SI: variants seen among roughly 807,000 people sequenced by gnomAD.
The protein encoded by SI is sucrase-isomaltase, intestinal.
In SI, 235 loss-of-function variants were observed where a neutral mutation model predicts 253.3. The observed-to-expected ratio is 0.93, with a 90% CI of 0.83 to 1.03. SI has a LOEUF of 1.03. SI is among the 50% of genes least tolerant of loss of function. SI has a pLI of 0.00. For synonymous variants in SI, 819 were observed against 712.0 expected, an observed-to-expected ratio of 1.15 and a Z score of -2.39; for missense variants, 2,442 against 2,211.1, an observed-to-expected ratio of 1.10 and a Z score of -2.09.
intron 37 of SI, 146 bp from the exon 38 acceptor site, chr3:164,998,819 T>C: frequency 1.4e-6 from 1 of 713,372 alleles, no homozygotes; most frequent in East Asian, 2.7e-5. Context: ...AAGTTTGTCT[T>C]CTCTCATTAA....
chr3:165,072,424 AC>A (rs1285054609), intron 3 of SI, among the ~76,000 whole-genome samples: 1 of 151,458 alleles, frequency 6.6e-6, no homozygotes, highest in Non-Finnish European at 1.5e-5. Flanking sequence ...AACAACAACA[AC>A]AACAAAAAAC....
At chr3:165,056,722 G>A (rs1049718468) in intron 12 of SI, among the ~76,000 whole-genome samples, 1 of 152,132 alleles carries the variant, frequency 6.6e-6, no homozygotes, top group Non-Finnish European at 1.5e-5. Flanking sequence ...TTAGAACAGC[G>A]CTAGCCATAG....
At chr3:165,027,377 C>A (rs1319724634) in intron 25 of SI, among the ~76,000 whole-genome samples, 1 of 151,128 alleles carries the variant, frequency 6.6e-6, no homozygotes, top group Non-Finnish European at 1.5e-5. Context: ...ACCAGAAATT[C>A]AAAGAATAAT....
At position 165,065,248 on chromosome 3, in the gene SI, A is replaced by T; in HGVS notation, c.807+13T>A. On this transcript the variant is annotated intron_variant, in intron 7 of 47. Coordinates refer to ENST00000264382, the MANE Select transcript of SI (RefSeq NM_001041.4). ...TAGTGATTTTATTTATAACAAGAAAAATAATTTCTTACATCACCAGGAAGT... is the reference window on the plus strand; with the variant it reads ...TAGTGATTTTATTTATAACAAGAAATATAATTTCTTACATCACCAGGAAGT... 1 of 1,550,338 alleles carries T rather than the reference A, an allele frequency of 6.5e-7. No individual in the cohort carries two copies. The highest frequency in any genetic ancestry group is 1.1e-5 in the South Asian group (1 of 89,582).
Position 165,019,782 on chromosome 3 carries a change from AG to A in SI, c.3255-13del, listed in dbSNP as rs749098538. Reference sequence around the variant, plus strand: ...GCCAAGAATCCCAACTGAAAACAAAAGAAAACAAAGCTATGTCTGTCAAAAT... The same window carrying A: ...GCCAAGAATCCCAACTGAAAACAAAAAAAACAAAGCTATGTCTGTCAAAAT... On this transcript the variant is annotated splice_polypyrimidine_tract_variant and intron_variant, in intron 27 of 47. Transcript: ENST00000264382. 3.1e-6 allele frequency: 5 copies of A among 1,611,050 alleles called. No individual in the cohort carries two copies. Among genetic ancestry groups the A allele is most frequent in the Admixed American group, 1.7e-5 (1 of 59,764 alleles).
chr3:165,032,647 T>C lies in SI; in HGVS notation c.2611A>G (p.Thr871Ala), dbSNP rs369306303. Residue 871 changes from threonine (T) to alanine (A), a missense_variant, in exon 24 of 48, where the codon ACT becomes GCT. Thr to Ala is a moderately conservative substitution (Grantham distance 58, BLOSUM62 0). Coordinates refer to ENST00000264382, the MANE Select transcript of SI (RefSeq NM_001041.4). ...VCTHSSYQEG[T>A]TLAFQTVKIL... ...TTTACAGTCTGAAATGCTAAGGTAG[T>C]TCCTTCCTGATATGATGAATGTGTG... is the stretch of plus-strand genomic sequence containing the variant. 1.1e-5 allele frequency: 18 copies of C among 1,607,844 alleles called. No individual in the cohort carries two copies. In the African/African-American group the frequency reaches 2.4e-4, roughly 22 times the overall value.
intron 13 of SI, among the ~76,000 whole-genome samples, chr3:165,052,520 G>T (rs779265273): frequency 8.5e-5 from 13 of 152,138 alleles, no homozygotes; most frequent in African/African-American, 1.2e-4. Flanking sequence ...GCTGGGCGTG[G>T]TGAAGTGCAC....
intron 19 of SI, 137 bp downstream of exon 19, chr3:165,039,750 C>T (rs1462448436): frequency 2.9e-6 from 2 of 695,888 alleles, no homozygotes; most frequent in African/African-American, 1.8e-5. Flanking sequence ...TGTGTCACAT[C>T]GTAGAATTCC....
chr3:165,006,732 T>G (rs999392593), intron 37 of SI, 84 bp downstream of exon 37: 44 of 1,183,138 alleles, frequency 3.7e-5, no homozygotes, highest in Non-Finnish European at 5.1e-5. Context: ...AAGAGAAGAT[T>G]GTCGGGACTG....
rs765834653 is a variant in SI, at chr3:165,049,182, T to C, written c.1660A>G (p.Lys554Glu). Residue 554 changes from lysine (K) to glutamate (E), a missense_variant, in exon 15 of 48, where the codon AAA (lysine) becomes GAA (glutamate). By Grantham distance (56) the Lys-to-Glu change is moderately conservative. Coordinates refer to ENST00000264382, the MANE Select transcript of SI (RefSeq NM_001041.4). Reference sequence around the variant, plus strand: ...TAGAGGCTATGAACATCATACTGTTTACCCCAGTTCTGCACAGCATCCATG... The same window carrying C: ...TAGAGGCTATGAACATCATACTGTTCACCCCAGTTCTGCACAGCATCCATG... Reference protein sequence around the residue: ...ICMDAVQNWGKQYDVHSLYGY... With the variant: ...ICMDAVQNWGEQYDVHSLYGY... 4 of 1,612,856 alleles carry C rather than the reference T, an allele frequency of 2.5e-6. No homozygotes were observed. Among genetic ancestry groups the C allele is most frequent in the Non-Finnish European group, 1.7e-6 (2 of 1,179,066 alleles).
chr3:165,086,069 C>A, the SI span, among the ~76,000 whole-genome samples: 2 of 152,028 alleles, frequency 1.3e-5, no homozygotes, highest in South Asian at 2.1e-4. Flanking sequence ...GCCTAGTCAA[C>A]ATAGTGAAAC....
At chr3:164,985,382 G>C (rs539780295) in intron 45 of SI, among the ~76,000 whole-genome samples, 1 of 152,124 alleles carries the variant, frequency 6.6e-6, no homozygotes, top group Non-Finnish European at 1.5e-5. Flanking sequence ...CAGTCATTGC[G>C]GTGATGAAGG....
intron 25 of SI, among the ~76,000 whole-genome samples, chr3:165,027,697 T>G (rs566652019): frequency 6.6e-6 from 1 of 151,210 alleles, no homozygotes; most frequent in African/African-American, 2.4e-5. Flanking sequence ...TAAACAGAAT[T>G]AAAAACAAAA....
In SI at chr3:165,019,710, G is replaced by A. The variant is rs1156957611; in HGVS notation, c.3315C>T (p.Arg1105=). The change falls in exon 28 of 48, where the codon CGC becomes CGT. Residue 1105 remains arginine, a synonymous_variant. Transcript: ENST00000264382. ...FNDQFIQIST[R]LPSEYIYGFG... ...AACCATATATATATTCTGATGGCAG[G>A]CGAGTCGATATTTGAATGAACTGGT... The A allele has an allele frequency of 1.7e-5, 28 of 1,612,438 alleles. No individual in the cohort carries two copies. The highest frequency in any genetic ancestry group is 2.0e-5 in the Non-Finnish European group (24 of 1,179,002).
At chr3:165,014,244 T>TTTG (rs1553771689) in intron 33 of SI, among the ~76,000 whole-genome samples, 7 of 152,052 alleles carry the variant, frequency 4.6e-5, no homozygotes, top group South Asian at 4.1e-4. Context: ...TAGATTTTTT[T>TTTG]TTGTTGTTGT....
chr3:165,033,711 A>G (rs1379930131), intron 22 of SI, among the ~76,000 whole-genome samples: 2 of 151,616 alleles, frequency 1.3e-5, no homozygotes, highest in Admixed American at 1.3e-4. Context: ...GGAAATTAAG[A>G]GAAAGCAAAA....
intron 28 of SI, 134 bp downstream of exon 28, chr3:165,019,468 A>G (rs1315302081): frequency 1.2e-6 from 1 of 831,574 alleles, no homozygotes; most frequent in African/African-American, 1.7e-5. Flanking sequence ...GAAAATTGCT[A>G]TAGCTGCTCT....
At chr3:165,074,096 C>T (rs1237429141) in intron 3 of SI, among the ~76,000 whole-genome samples, 3 of 152,012 alleles carry the variant, frequency 2.0e-5, no homozygotes, top group Non-Finnish European at 4.4e-5. Context: ...CTTCTAATTG[C>T]TAAATTAAAA....
intron 25 of SI, 50 bp downstream of exon 25, chr3:165,030,662 A>C (rs768324189): frequency 2.6e-6 from 4 of 1,566,654 alleles, no homozygotes; most frequent in Non-Finnish European, 3.5e-6. Flanking sequence ...TTTGCACCAA[A>C]ATGCTTATGT....
Sources: allele counts gnomAD v4.1 joint callset (sites outside exome capture counted in the v4.1 genomes callset), GRCh38; gene constraint gnomAD v4.1.1; transcripts MANE v1.5; gene names NCBI Gene and HGNC (gene_info 2026-07-23, HGNC 2026-07-21).